The following ECE2 variants were observed in gnomAD, a reference collection of about 807,000 sequenced individuals.
The protein encoded by ECE2 is endothelin-converting enzyme 2.
In ECE2, 81 loss-of-function variants were observed where a neutral mutation model predicts 100.6. The observed-to-expected ratio is 0.81, with a 90% confidence interval of 0.67 to 0.97. The LOEUF (loss-of-function observed/expected upper bound fraction) is 0.97. Among genes scored for constraint, ECE2 ranks in the 50% least tolerant of loss-of-function variants. The pLI is 0.00. For synonymous variants in ECE2, 391 were observed against 391.5 expected (o/e 1.00, Z 0.02); for missense variants, 911 against 988.1 (o/e 0.92, Z 1.05).
chr3:184,290,260 A>T lies in ECE2; in HGVS notation c.1557A>T (p.Glu519Asp). ...KELDDVYDGY[E>D]ISEDSFFQNM... is the part of the protein sequence containing the mutation. The stretch of plus-strand genomic sequence containing the variant: ...ACTTCCCACCTTTCCCACAGTACGA[A>T]ATTTCTGAAGATTCTTTCTTCCAAA... Residue 519 changes from glutamate (E) to aspartate (D), a missense_variant, in exon 14 of 19, where the codon GAA (glutamate) becomes GAT (aspartate). Transcript: ENST00000404464. The T allele has an allele frequency of 6.2e-7, 1 of 1,613,526 alleles. No individual in the cohort carries two copies. The highest frequency in any genetic ancestry group is 1.7e-5 in the Admixed American group (1 of 59,946).
In ECE2 at chr3:184,277,916, G is replaced by GC. The variant is rs762902809; in HGVS notation, c.479-5dup. 1 of 1,611,060 alleles carries GC rather than the reference G, an allele frequency of 6.2e-7. No individual in the cohort carries two copies. The highest frequency in any genetic ancestry group is 2.2e-5 in the East Asian group (1 of 44,870). ...AATTGCCACCTGGATCCTGTGTTCTGCCCCACAGAAAACACCACCTTCAAC... is the reference window on the plus strand; with the variant it reads ...AATTGCCACCTGGATCCTGTGTTCTGCCCCCACAGAAAACACCACCTTCAAC... On this transcript the variant is annotated splice_polypyrimidine_tract_variant and intron_variant, in intron 4 of 18. Transcript: ENST00000404464.
At chr3:184,283,561 C>CAAAAAAAA (rs35761542) in intron 7 of ECE2, among the ~76,000 whole-genome samples, 5 of 53,104 alleles carry the variant, frequency 9.4e-5, no homozygotes, top group Non-Finnish European at 1.3e-4. Flanking sequence ...GACTCCATCT[C>CAAAAAAAA]AAAAAAAAAA....
At chr3:184,279,309 C>CAAAAAAAAAAAAAAA (rs60647349) in intron 7 of ECE2, among the ~76,000 whole-genome samples, 1 of 79,136 alleles carries the variant, frequency 1.3e-5, no homozygotes, top group African/African-American at 4.8e-5. Context: ...GACTCCGACT[C>CAAAAAAAAAAAAAAA]AAAAAAAAAA....
Position 184,289,805 on chromosome 3 carries a change from G to T in ECE2, c.1551+87G>T. Reference sequence around the variant, plus strand: ...TTAGAAATTGGGGCTCAAGCACTGGGAAAGAGGTGCTTGTCGGTTTCTTTT... The same window carrying T: ...TTAGAAATTGGGGCTCAAGCACTGGTAAAGAGGTGCTTGTCGGTTTCTTTT... On this transcript the variant is annotated intron_variant, in intron 13 of 18. Coordinates refer to ENST00000404464, the MANE Select transcript of ECE2 (RefSeq NM_001100121.2). The surrounding 1 kb of genome is among the most constrained non-coding windows in gnomAD (Gnocchi z 4.1). 1 of 1,212,014 alleles carries T rather than the reference G, an allele frequency of 8.3e-7. No individual in the cohort carries two copies. The highest frequency in any genetic ancestry group is 1.2e-6 in the Non-Finnish European group (1 of 866,568). 75.1% of individuals were successfully genotyped at this position (1,212,014 alleles called of 1,614,324 possible).
chr3:184,292,135 T>G lies in ECE2; in HGVS notation c.2195T>G (p.Phe732Cys). ...LVTDPHSPAR[F>C]RVLGTLSNSR... ...ACCGACCCCCACAGCCCTGCCCGCT[T>G]CCGCGTGCTGGGCACTCTCTCCAAC... The change falls in exon 19 of 19, where the codon TTC (phenylalanine) becomes TGC (cysteine). Residue 732 changes from phenylalanine to cysteine, a missense_variant. Transcript: ENST00000404464. The G allele has an allele frequency of 6.2e-6, 10 of 1,614,020 alleles. No homozygotes were observed. The highest frequency in any genetic ancestry group is 8.5e-6 in the Non-Finnish European group (10 of 1,180,014).
In ECE2 at chr3:184,292,057, C is replaced by T. The variant is rs369395598; in HGVS notation, c.2122-5C>T. On this transcript the variant is annotated splice_polypyrimidine_tract_variant and splice_region_variant and intron_variant, in intron 18 of 18. Transcript: ENST00000404464. ...ATATGCCCCCATGTCTGTCCTGGCCCGCAGGTGTGGTGCTCGGTCCGCACA... is the reference window on the plus strand; with the variant it reads ...ATATGCCCCCATGTCTGTCCTGGCCTGCAGGTGTGGTGCTCGGTCCGCACA... The T allele has an allele frequency of 6.8e-6, 11 of 1,609,306 alleles. No homozygotes were observed. Among genetic ancestry groups the T allele is most frequent in the African/African-American group, 2.7e-5 (2 of 74,822 alleles).
chr3:184,277,840 C>T, intron 4 of ECE2, 85 bp from the exon 5 acceptor site: 1 of 1,558,282 alleles, frequency 6.4e-7, no homozygotes, highest in African/African-American at 1.4e-5. Context: ...ATTGACAAGG[C>T]AAGGAGAGAA....
chr3:184,277,530 GC>G, intron 4 of ECE2, 64 bp downstream of exon 4: 11 of 1,543,582 alleles, frequency 7.1e-6, no homozygotes, highest in Non-Finnish European at 9.7e-6. Context: ...ACAGGGCCTG[GC>G]ACTTAGCAAA....
At chr3:184,283,245 T>C (rs967459587) in intron 7 of ECE2, among the ~76,000 whole-genome samples, 26 of 151,856 alleles carry the variant, frequency 1.7e-4, no homozygotes, top group African/African-American at 5.6e-4. Context: ...CTTGGAGAAA[T>C]AGATGATAAA....
intron 2 of ECE2, 38 bp downstream of exon 2, chr3:184,276,605 G>A: frequency 6.3e-7 from 1 of 1,593,988 alleles, no homozygotes; most frequent in Non-Finnish European, 8.5e-7. Flanking sequence ...CCAGGCCCCA[G>A]CCCTGGCATG....
rs370885890 is a variant in ECE2 at position 184,289,742 on chromosome 3, C to G, written c.1551+24C>G. On this transcript the variant is annotated intron_variant, in intron 13 of 18. Coordinates refer to ENST00000404464, the MANE Select transcript of ECE2 (RefSeq NM_001100121.2). The surrounding 1 kb of genome is among the most constrained non-coding windows in gnomAD (Gnocchi z 4.1). ...GGGTGAGTACCTACGCTCATCAGTA[C>G]TGAACTTCAGCCCTGTAGAGGGCAC... 10 of 1,591,210 alleles carry G rather than the reference C, an allele frequency of 6.3e-6. No individual in the cohort carries two copies. The highest frequency in any genetic ancestry group is 2.7e-5 in the African/African-American group (2 of 74,272).
intron 7 of ECE2, among the ~76,000 whole-genome samples, chr3:184,281,170 T>G (rs895807302): frequency 2.0e-5 from 3 of 152,218 alleles, no homozygotes; most frequent in African/African-American, 7.2e-5. Flanking sequence ...AAACATCTGC[T>G]GAGCATCCCT....
Position 184,277,332 on chromosome 3 carries a change from G to A in ECE2, c.344G>A (p.Ser115Asn). The change falls in exon 4 of 19, where the codon AGC (serine) becomes AAC (asparagine). Residue 115 changes from serine to asparagine, a missense_variant. Physicochemically the swap from Ser to Asn is conservative, Grantham distance 46 (BLOSUM62 1). Coordinates refer to ENST00000404464, the MANE Select transcript of ECE2 (RefSeq NM_001100121.2). ...KILESLDRGV[S>N]PCEDFYQFSC... Reference sequence around the variant, plus strand: ...CTGGAGTCCCTGGACCGAGGGGTGAGCCCCTGTGAGGACTTTTACCAGTTC... The same window carrying A: ...CTGGAGTCCCTGGACCGAGGGGTGAACCCCTGTGAGGACTTTTACCAGTTC... The A allele has an allele frequency of 6.2e-7, 1 of 1,614,244 alleles. No individual in the cohort carries two copies. Among genetic ancestry groups the A allele is most frequent in the Non-Finnish European group, 8.5e-7 (1 of 1,180,046 alleles).
chr3:184,277,970 A>T lies in ECE2; in HGVS notation c.524A>T (p.Gln175Leu), dbSNP rs1172016622. 1 of 1,613,500 alleles carries T rather than the reference A, an allele frequency of 6.2e-7. No individual in the cohort carries two copies. Among genetic ancestry groups the T allele is most frequent in the Admixed American group, 1.7e-5 (1 of 60,022 alleles). ...AGCAGTGAAGCTGAGCAGAAGACAC[A>T]GCGCTTCTACCTATCTTGCCTACAG... Reference protein sequence around the residue: ...NSSSEAEQKTQRFYLSCLQVE... With the variant: ...NSSSEAEQKTLRFYLSCLQVE... The change falls in exon 5 of 19, where the codon CAG becomes CTG. Residue 175 changes from glutamine (Q) to leucine (L), a missense_variant. Coordinates refer to ENST00000404464, the MANE Select transcript of ECE2 (RefSeq NM_001100121.2).
In ECE2 at chr3:184,276,029, A is replaced by T; in HGVS notation, c.-125A>T. ...GCGGGGGGGGGGGCGGCCGCGGCCG[A>T]GCGGGGGTGCTGCGCGGCGGCCGTG... On this transcript the variant is annotated 5_prime_UTR_variant, in exon 1 of 19. Coordinates refer to ENST00000404464, the MANE Select transcript of ECE2 (RefSeq NM_001100121.2). 1.6e-5 allele frequency: 16 copies of T among 984,486 alleles called. No homozygotes were observed. The highest frequency in any genetic ancestry group is 9.8e-5 in the South Asian group (2 of 20,460). The allele number at this position is 984,486 out of a possible 1,614,324, so 61.0% of individuals were successfully genotyped here.
intron 13 of ECE2, 46 bp from the exon 14 acceptor site, chr3:184,290,209 C>A: frequency 6.6e-7 from 1 of 1,513,222 alleles, no homozygotes; most frequent in South Asian, 1.2e-5. Context: ...ATTATCTTCT[C>A]CAATGGATTC....
chr3:184,276,138 C>G lies in ECE2; in HGVS notation c.-16C>G. On this transcript the variant is annotated 5_prime_UTR_variant, in exon 1 of 19. Coordinates refer to ENST00000404464, the MANE Select transcript of ECE2 (RefSeq NM_001100121.2). ...GCTGCCGGGAGCCCTGAATCACCGC[C>G]TGGCCCGACTCCACCATGAACGTCG... The G allele has an allele frequency of 7.2e-7, 1 of 1,387,254 alleles. No homozygotes were observed. Among genetic ancestry groups the G allele is most frequent in the Non-Finnish European group, 9.3e-7 (1 of 1,075,154 alleles). The allele number at this position is 1,387,254 out of a possible 1,614,324, so 85.9% of individuals were successfully genotyped here. A position where few individuals can be genotyped will look rare whatever the true frequency, so the allele number is the denominator to read the frequency against.
chr3:184,277,922 C>T lies in ECE2; in HGVS notation c.479-3C>T. On this transcript the variant is annotated splice_polypyrimidine_tract_variant and splice_region_variant and intron_variant, in intron 4 of 18. Transcript: ENST00000404464. ...CACCTGGATCCTGTGTTCTGCCCCA[C>T]AGAAAACACCACCTTCAACTCCAGC... 10 of 1,611,578 alleles carry T rather than the reference C, an allele frequency of 6.2e-6. No homozygotes were observed. Among genetic ancestry groups the T allele is most frequent in the Non-Finnish European group, 8.5e-6 (10 of 1,179,938 alleles).
intron 15 of ECE2, 34 bp from the exon 16 acceptor site, chr3:184,290,759 G>A (rs139632061): frequency 4.8e-5 from 77 of 1,613,650 alleles, no homozygotes; most frequent in South Asian, 3.7e-4. Context: ...AAGTACCCCC[G>A]CCATGTCCTC....
Sources: allele counts gnomAD v4.1 joint callset (sites outside exome capture counted in the v4.1 genomes callset), GRCh38; gene constraint gnomAD v4.1.1; non-coding constraint Gnocchi (gnomAD v3.1); transcripts MANE v1.5; gene names NCBI Gene and HGNC (gene_info 2026-07-23, HGNC 2026-07-21).